DLG2: variants seen among roughly 807,000 people sequenced by gnomAD.
DLG2 encodes the protein discs large MAGUK scaffold protein 2.
A neutral mutation model predicts 132.5 loss-of-function variants in DLG2; 45 were observed. That is an observed-to-expected ratio of 0.34 (90% confidence interval 0.27 to 0.44). The LOEUF (loss-of-function observed/expected upper bound fraction) is 0.44, where lower values mean the gene tolerates loss of function less well. Ranked by LOEUF, DLG2 falls within the 20% of genes least tolerant of loss-of-function variation. DLG2 has a pLI of 1.00. For missense variants in DLG2, 1,045 were observed against 1,196.9 expected (o/e 0.87, Z 1.87); for synonymous variants, 424 against 419.6 (o/e 1.01, Z -0.13).
At chr11:85,257,599 G>T (rs900595193) in intron 4 of DLG2, among the ~76,000 whole-genome samples, 1 of 152,168 alleles carries the variant, frequency 6.6e-6, no homozygotes, top group Admixed American at 6.5e-5. Context: ...TAAAGATGAG[G>T]TGGATGAAGA....
At chr11:84,855,766 C>T (rs1314193461) in intron 6 of DLG2, among the ~76,000 whole-genome samples, 1 of 152,012 alleles carries the variant, frequency 6.6e-6, no homozygotes, top group Non-Finnish European at 1.5e-5. Context: ...ATAAATTTTC[C>T]TTTCATGCAT....
chr11:84,532,117 A>ATTTTTTTTTTTT (rs67139617), intron 7 of DLG2, among the ~76,000 whole-genome samples: 3 of 104,586 alleles, frequency 2.9e-5, no homozygotes, highest in Admixed American at 1.2e-4. Flanking sequence ...TGTTCTGTTC[A>ATTTTTTTTTTTT]TTTTTTTTTT....
At chr11:84,886,758 C>G (rs2088399148) in intron 6 of DLG2, among the ~76,000 whole-genome samples, 1 of 152,118 alleles carries the variant, frequency 6.6e-6, no homozygotes, top group East Asian at 1.9e-4. Flanking sequence ...GAATGTTTGA[C>G]AGAATGTATT....
chr11:84,139,253 C>T (rs1308119845), intron 9 of DLG2, among the ~76,000 whole-genome samples: 1 of 152,048 alleles, frequency 6.6e-6, no homozygotes, highest in South Asian at 2.1e-4. Context: ...GATCAATTTA[C>T]ACTTGTTGAA....
chr11:84,665,429 C>CCTAT (rs909521304), intron 6 of DLG2, among the ~76,000 whole-genome samples: 1 of 152,130 alleles, frequency 6.6e-6, no homozygotes, highest in Admixed American at 6.6e-5. Flanking sequence ...CGCTATACCA[C>CCTAT]CTATCTATCT....
intron 3 of DLG2, among the ~76,000 whole-genome samples, chr11:85,459,301 AC>A (rs2092526081): frequency 6.6e-6 from 1 of 152,176 alleles, no homozygotes; most frequent in South Asian, 2.1e-4. Flanking sequence ...CAGTTGTTCT[AC>A]TGGCTCTGCT....
At chr11:84,814,616 A>C (rs1224368028) in intron 6 of DLG2, among the ~76,000 whole-genome samples, 1 of 152,036 alleles carries the variant, frequency 6.6e-6, no homozygotes, top group Non-Finnish European at 1.5e-5. Flanking sequence ...CTCTCCATGC[A>C]TCATGCTTCT....
chr11:84,721,098 C>T lies in DLG2; in HGVS notation c.358-186367G>A, dbSNP rs570013158. ...CCCCGAGACTGCATTTGGCCCCCAC[C>T]GCTACAGCCACCCGAGGGTAGAAGA... is the stretch of plus-strand genomic sequence containing the variant. On this transcript the variant is annotated intron_variant, in intron 6 of 27. Transcript: ENST00000376104. Among the ~76,000 whole-genome samples the T allele has an allele frequency of 1.6e-3, 245 of 152,196 alleles. 1 individual carries two copies. Among genetic ancestry groups the T allele is most frequent in the Admixed American group, 6.0e-3 (92 of 15,304 alleles).
chr11:85,281,917 T>C (rs1470057049), intron 4 of DLG2, among the ~76,000 whole-genome samples: 2 of 151,926 alleles, frequency 1.3e-5, no homozygotes, highest in Non-Finnish European at 2.9e-5. Flanking sequence ...CCAATGTTTA[T>C]TGCAGCACCA....
chr11:83,887,858 A>G (rs1182418492), intron 15 of DLG2, among the ~76,000 whole-genome samples: 1 of 136,470 alleles, frequency 7.3e-6, no homozygotes, highest in East Asian at 2.2e-4. Flanking sequence ...CCACAGGATT[A>G]TCTCAATAGA....
At chr11:85,052,238 A>G (rs2062974101) in intron 6 of DLG2, among the ~76,000 whole-genome samples, 1 of 152,200 alleles carries the variant, frequency 6.6e-6, no homozygotes, top group South Asian at 2.1e-4. Flanking sequence ...GAAAGTTTGG[A>G]TAAATGAACA....
intron 14 of DLG2, among the ~76,000 whole-genome samples, chr11:83,947,786 CT>C (rs1381222646): frequency 4.6e-5 from 7 of 152,328 alleles, no homozygotes; most frequent in African/African-American, 1.7e-4. Flanking sequence ...AGCCCAGACT[CT>C]TTTGAGTCTA....
intron 4 of DLG2, among the ~76,000 whole-genome samples, chr11:85,254,998 C>CAAA: frequency 1.1e-5 from 1 of 87,766 alleles, no homozygotes; most frequent in African/African-American, 4.3e-5. Flanking sequence ...GACTCCATCT[C>CAAA]AAAAAAAAAA....
intron 3 of DLG2, among the ~76,000 whole-genome samples, chr11:85,388,809 C>T (rs1343707233): frequency 6.6e-6 from 1 of 152,172 alleles, no homozygotes; most frequent in Non-Finnish European, 1.5e-5. Context: ...GAGAGCACCA[C>T]ATCAAGGCAG....
chr11:83,944,706 T>G (rs758460791), intron 14 of DLG2, among the ~76,000 whole-genome samples: 4 of 152,172 alleles, frequency 2.6e-5, no homozygotes, highest in Non-Finnish European at 5.9e-5. Flanking sequence ...TACATTCCAA[T>G]CACAGCTTAG....
intron 8 of DLG2, among the ~76,000 whole-genome samples, chr11:84,212,663 C>T (rs1434402927): frequency 6.6e-6 from 1 of 152,120 alleles, no homozygotes; most frequent in Non-Finnish European, 1.5e-5. Flanking sequence ...ACGGTACTTA[C>T]TTTCACTTTT....
intron 3 of DLG2, among the ~76,000 whole-genome samples, chr11:85,362,158 G>A (rs2084202666): frequency 6.6e-6 from 1 of 152,118 alleles, no homozygotes; most frequent in Non-Finnish European, 1.5e-5. Context: ...GTCTCACTAT[G>A]TTGCCCAGGC....
intron 3 of DLG2, among the ~76,000 whole-genome samples, chr11:85,384,852 G>A (rs1320266641): frequency 3.9e-5 from 6 of 152,118 alleles, no homozygotes; most frequent in African/African-American, 1.2e-4. Flanking sequence ...GATTACAGGC[G>A]TGAGCCACCC....
At chr11:84,321,386 A>T (rs1234123877) in intron 7 of DLG2, among the ~76,000 whole-genome samples, 1 of 152,124 alleles carries the variant, frequency 6.6e-6, no homozygotes, top group Non-Finnish European at 1.5e-5. Context: ...TATGCTTGAT[A>T]CCTGTCAGTT....
Sources: allele counts gnomAD v4.1 joint callset (sites outside exome capture counted in the v4.1 genomes callset), GRCh38; gene constraint gnomAD v4.1.1; transcripts MANE v1.5; gene names NCBI Gene and HGNC (gene_info 2026-07-23, HGNC 2026-07-21).